FOXP2: variants seen among roughly 807,000 people sequenced by gnomAD.
FOXP2 encodes forkhead box P2.
Under a neutral mutation model 115.8 loss-of-function variants are expected in FOXP2, and 12 were observed. The observed-to-expected ratio is 0.10, with a 90% confidence interval of 0.07 to 0.17. FOXP2 has a LOEUF of 0.17. FOXP2 is among the 10% of genes least tolerant of loss of function. The pLI is 1.00. For synonymous variants in FOXP2, 328 were observed against 297.7 expected, an observed-to-expected ratio of 1.10 and a Z score of -1.05; for missense variants, 629 against 843.5, an observed-to-expected ratio of 0.75 and a Z score of 3.15.
At chr7:114,565,599 T>C (rs1339577055) in intron 3 of FOXP2, among the ~76,000 whole-genome samples, 1 of 152,144 alleles carries the variant, frequency 6.6e-6, no homozygotes, top group Non-Finnish European at 1.5e-5. Flanking sequence ...GGAACCTGTA[T>C]AGTCAGATAT....
At chr7:114,180,708 C>G (rs1178338261) in intron 1 of FOXP2, among the ~76,000 whole-genome samples, 2 of 151,884 alleles carry the variant, frequency 1.3e-5, no homozygotes, top group East Asian at 3.9e-4. Context: ...CTTCACATCT[C>G]CCTTCTCATC....
chr7:114,511,759 C>A (rs1798089768), intron 2 of FOXP2, among the ~76,000 whole-genome samples: 1 of 152,102 alleles, frequency 6.6e-6, no homozygotes, highest in Admixed American at 6.6e-5. Flanking sequence ...TTCCAACCAA[C>A]TTTTGCTTTC....
intron 2 of FOXP2, among the ~76,000 whole-genome samples, chr7:114,373,733 C>G (rs963068213): frequency 1.3e-5 from 2 of 152,170 alleles, no homozygotes; most frequent in South Asian, 4.1e-4. Context: ...TTCATGTCTA[C>G]TATATGTGAG....
intron 16 of FOXP2, among the ~76,000 whole-genome samples, chr7:114,672,008 T>C (rs1042065481): frequency 6.6e-6 from 1 of 152,176 alleles, no homozygotes; most frequent in Non-Finnish European, 1.5e-5. Context: ...GTTTCTATCA[T>C]TAGAATAGCA....
At chr7:114,507,734 G>A (rs1471213673) in intron 2 of FOXP2, among the ~76,000 whole-genome samples, 1 of 151,824 alleles carries the variant, frequency 6.6e-6, no homozygotes, top group South Asian at 2.1e-4. Flanking sequence ...GCCTGCATAA[G>A]GAAAGCAAAC....
chr7:114,192,708 A>G (rs1326471443), intron 1 of FOXP2, among the ~76,000 whole-genome samples: 1 of 152,230 alleles, frequency 6.6e-6, no homozygotes, highest in Non-Finnish European at 1.5e-5. Flanking sequence ...TAAAGGTTTT[A>G]TGAGTTCAGT....
chr7:114,431,548 G>C (rs1031469894), intron 2 of FOXP2, among the ~76,000 whole-genome samples: 2 of 151,888 alleles, frequency 1.3e-5, no homozygotes, highest in African/African-American at 4.8e-5. Flanking sequence ...GTAACGGCTG[G>C]AATTTTTATG....
chr7:114,658,746 A>G (rs985882070), intron 11 of FOXP2, among the ~76,000 whole-genome samples: 21 of 152,212 alleles, frequency 1.4e-4, no homozygotes, highest in African/African-American at 5.1e-4. Flanking sequence ...CTTAAGAAGC[A>G]TTGTGAGAGG....
intron 1 of FOXP2, among the ~76,000 whole-genome samples, chr7:114,192,836 T>C (rs1793796984): frequency 6.6e-6 from 1 of 152,212 alleles, no homozygotes; most frequent in Non-Finnish European, 1.5e-5. Context: ...CAGTTTACTT[T>C]CCATATAGTG....
chr7:114,168,850 G>A (rs1377090706), intron 1 of FOXP2, among the ~76,000 whole-genome samples: 1 of 152,168 alleles, frequency 6.6e-6, no homozygotes, highest in Non-Finnish European at 1.5e-5. Context: ...GTAGCCTAGG[G>A]ACTTGATGCC....
At chr7:114,585,132 G>A (rs1386710393) in intron 3 of FOXP2, among the ~76,000 whole-genome samples, 3 of 152,038 alleles carry the variant, frequency 2.0e-5, no homozygotes, top group Admixed American at 1.3e-4. Flanking sequence ...CCTTACTAAC[G>A]AAGAAAAGTT....
At chr7:114,598,416 T>C (rs1479651172) in intron 3 of FOXP2, among the ~76,000 whole-genome samples, 1 of 152,160 alleles carries the variant, frequency 6.6e-6, no homozygotes, top group Non-Finnish European at 1.5e-5. Context: ...TTTCTAAGAA[T>C]GGTGTTCCAT....
intron 1 of FOXP2, among the ~76,000 whole-genome samples, chr7:114,093,873 T>G (rs1200590438): frequency 6.6e-6 from 1 of 152,144 alleles, no homozygotes; most frequent in Non-Finnish European, 1.5e-5. Flanking sequence ...TTTTAGTAGT[T>G]CAGTGCTCTA....
chr7:114,142,671 C>T (rs1792251739), intron 1 of FOXP2, among the ~76,000 whole-genome samples: 1 of 152,118 alleles, frequency 6.6e-6, no homozygotes, highest in African/African-American at 2.4e-5. Context: ...AGGCACTCTG[C>T]CTATTTTCTG....
chr7:114,628,277 C>T (rs962684262), intron 3 of FOXP2, among the ~76,000 whole-genome samples: 3 of 152,040 alleles, frequency 2.0e-5, no homozygotes, highest in African/African-American at 7.2e-5. Context: ...GATATTATAG[C>T]CGAAATTCAA....
At chr7:114,162,010 T>C (rs1394128695), upstream of FOXP2, among the ~76,000 whole-genome samples, 1 of 152,122 alleles carries the variant, frequency 6.6e-6, no homozygotes, top group Non-Finnish European at 1.5e-5. Flanking sequence ...CGTGAACCCC[T>C]GAGCTCAAGT....
intron 1 of FOXP2, among the ~76,000 whole-genome samples, chr7:114,126,603 A>G (rs1791716508): frequency 6.6e-6 from 1 of 152,150 alleles, no homozygotes; most frequent in Admixed American, 6.6e-5. Context: ...ATAATCATAA[A>G]TTTCAGCAGA....
rs552218610 is a variant in FOXP2 at position 114,523,113 on chromosome 7, A to G, written c.169-11504A>G. On this transcript the variant is annotated intron_variant, in intron 2 of 16. Transcript: ENST00000350908. ...TTGTGGCTAACATTTCTTATCTTCAATGAGCTTTGTGTTTCACAATTTACA... is the reference window on the plus strand; with the variant it reads ...TTGTGGCTAACATTTCTTATCTTCAGTGAGCTTTGTGTTTCACAATTTACA... 3.3e-5 allele frequency among the ~76,000 whole-genome samples: 5 copies of G among 152,204 alleles called. No individual in the cohort carries two copies. The South Asian group carries it at 1.0e-3, about 32-fold the overall frequency.
intron 1 of FOXP2, among the ~76,000 whole-genome samples, chr7:114,120,512 A>C (rs1353233714): frequency 6.6e-6 from 1 of 152,124 alleles, no homozygotes; most frequent in African/African-American, 2.4e-5. Context: ...AAGCTGCCAC[A>C]GTAATCCATG....
Sources: gnomAD v4.1 joint callset for allele counts (sites outside exome capture counted in the v4.1 genomes callset) on GRCh38, gnomAD v4.1.1 for gene constraint, MANE v1.5 for transcripts, NCBI Gene and HGNC (gene_info 2026-07-23, HGNC 2026-07-21) for gene names.